Variants in LCLAT1 observed in about 807,000 individuals in gnomAD.
LCLAT1 encodes 1-AGP acyltransferase 8.
A neutral mutation model predicts 30.7 loss-of-function variants in LCLAT1; 11 were observed. The observed-to-expected ratio is 0.36, with a 90% CI of 0.23 to 0.59. The LOEUF is 0.59. Among genes scored for constraint, LCLAT1 ranks in the 20% least tolerant of loss-of-function variants. LCLAT1 has a pLI of 0.77. For missense variants in LCLAT1, 402 were observed against 458.6 expected (o/e 0.88, Z 1.13); for synonymous variants, 155 against 151.3 (o/e 1.02, Z -0.18).
At chr2:30,557,396 G>A (rs933504981) in intron 3 of LCLAT1, among the ~76,000 whole-genome samples, 1 of 150,624 alleles carries the variant, frequency 6.6e-6, no homozygotes, top group African/African-American at 2.4e-5. Flanking sequence ...AAATTTTCAA[G>A]GAGTGGAAAA....
At chr2:30,589,492 C>G (rs927190153) in intron 5 of LCLAT1, among the ~76,000 whole-genome samples, 3 of 151,118 alleles carry the variant, frequency 2.0e-5, no homozygotes, top group African/African-American at 7.3e-5. Context: ...AGAAACAGGA[C>G]AGTGTATTGC....
At chr2:30,528,869 T>C (rs1685860942) in intron 2 of LCLAT1, among the ~76,000 whole-genome samples, 1 of 152,198 alleles carries the variant, frequency 6.6e-6, no homozygotes, top group Non-Finnish European at 1.5e-5. Flanking sequence ...GTATAGATGT[T>C]GAATTCCTTA....
intron 1 of LCLAT1, among the ~76,000 whole-genome samples, chr2:30,460,086 G>A (rs1015084627): frequency 1.3e-5 from 2 of 152,172 alleles, no homozygotes; most frequent in South Asian, 2.1e-4. Context: ...GCTGCATGCA[G>A]TAACTTGCTT....
chr2:30,521,065 A>G (rs1218241596), intron 1 of LCLAT1, among the ~76,000 whole-genome samples: 13 of 152,230 alleles, frequency 8.5e-5, no homozygotes, highest in African/African-American at 3.1e-4. Flanking sequence ...GTTGCAGTTA[A>G]GGAGCTGGCC....
chr2:30,573,257 G>A (rs1188541317), intron 5 of LCLAT1, among the ~76,000 whole-genome samples: 4 of 152,190 alleles, frequency 2.6e-5, no homozygotes, highest in South Asian at 2.1e-4. Context: ...ATTTTCATTC[G>A]CAGTGCCATA....
chr2:30,626,367 A>AT (rs1232294206), intron 5 of LCLAT1, among the ~76,000 whole-genome samples: 1 of 152,232 alleles, frequency 6.6e-6, no homozygotes, highest in East Asian at 1.9e-4. Flanking sequence ...AAAAATGATA[A>AT]TGAAAACAAG....
At chr2:30,611,770 C>G in intron 5 of LCLAT1, among the ~76,000 whole-genome samples, 1 of 152,122 alleles carries the variant, frequency 6.6e-6, no homozygotes, top group East Asian at 1.9e-4. Flanking sequence ...GTTCATGAAC[C>G]GCTTAGCAGA....
At chr2:30,519,932 T>C (rs1685392696) in intron 1 of LCLAT1, among the ~76,000 whole-genome samples, 2 of 152,168 alleles carry the variant, frequency 1.3e-5, no homozygotes, top group African/African-American at 4.8e-5. Flanking sequence ...CTTTCACCCC[T>C]CTGGATCTGG....
chr2:30,626,483 C>A (rs1668515841), intron 5 of LCLAT1, among the ~76,000 whole-genome samples: 1 of 151,190 alleles, frequency 6.6e-6, no homozygotes, highest in African/African-American at 2.4e-5. Flanking sequence ...TTTTCGTAAT[C>A]CTTTAAGCTC....
chr2:30,600,600 G>A (rs537804614), intron 5 of LCLAT1, among the ~76,000 whole-genome samples: 1 of 132,022 alleles, frequency 7.6e-6, no homozygotes, highest in Non-Finnish European at 1.6e-5. Flanking sequence ...TTTTCTTTAA[G>A]AATGTTGAAT....
chr2:30,589,217 A>G (rs1471074214), intron 5 of LCLAT1, among the ~76,000 whole-genome samples: 1 of 152,222 alleles, frequency 6.6e-6, no homozygotes. Context: ...TTTTTTAAAT[A>G]TTAGATAATG....
At chr2:30,525,397 T>A (rs1685661576) in intron 1 of LCLAT1, among the ~76,000 whole-genome samples, 190 bp from the exon 2 acceptor site, 1 of 152,156 alleles carries the variant, frequency 6.6e-6, no homozygotes, top group South Asian at 2.1e-4. Flanking sequence ...ATTTCTAATG[T>A]ACTGGCAACT....
At chr2:30,536,499 G>C (rs1239003131) in intron 3 of LCLAT1, among the ~76,000 whole-genome samples, 1 of 152,288 alleles carries the variant, frequency 6.6e-6, no homozygotes. Flanking sequence ...CATGCTGAAA[G>C]AAAAAACTGT....
intron 1 of LCLAT1, among the ~76,000 whole-genome samples, chr2:30,477,107 TC>T (rs753876705): frequency 7.2e-5 from 11 of 152,218 alleles, no homozygotes; most frequent in Non-Finnish European, 1.6e-4. Context: ...CAACGCTTGT[TC>T]CTGTGCCTAA....
chr2:30,586,767 T>G (rs2148473164), intron 5 of LCLAT1, among the ~76,000 whole-genome samples: 1 of 152,312 alleles, frequency 6.6e-6, no homozygotes, highest in South Asian at 2.1e-4. Context: ...CTTTAAGCTC[T>G]AACTTACCAA....
At chr2:30,548,631 A>G (rs766502115) in intron 3 of LCLAT1, among the ~76,000 whole-genome samples, 6 of 152,146 alleles carry the variant, frequency 3.9e-5, no homozygotes, top group Non-Finnish European at 7.4e-5. Context: ...TATCAGATTT[A>G]AAAGGGTGTC....
intron 1 of LCLAT1, among the ~76,000 whole-genome samples, chr2:30,517,981 C>T (rs1206081979): frequency 6.6e-6 from 1 of 152,176 alleles, no homozygotes; most frequent in Non-Finnish European, 1.5e-5. Context: ...AAATCCTTAA[C>T]CCAATAACCC....
intron 5 of LCLAT1, among the ~76,000 whole-genome samples, chr2:30,595,596 A>G: frequency 6.6e-6 from 1 of 152,132 alleles, no homozygotes; most frequent in Non-Finnish European, 1.5e-5. Flanking sequence ...CTTTTGCTGA[A>G]CTTAATGGGT....
At chr2:30,505,791 A>T (rs1009430164) in intron 1 of LCLAT1, among the ~76,000 whole-genome samples, 10 of 152,282 alleles carry the variant, frequency 6.6e-5, no homozygotes, top group Middle Eastern at 3.4e-3. Context: ...TACAGCATAT[A>T]CTTGGCTTCT....
Sources: allele counts gnomAD v4.1 joint callset (sites outside exome capture counted in the v4.1 genomes callset), GRCh38; gene constraint gnomAD v4.1.1; transcripts MANE v1.5; gene names NCBI Gene and HGNC (gene_info 2026-07-23, HGNC 2026-07-21).